Variants in PLAU observed in about 807,000 individuals in gnomAD.
PLAU encodes urokinase-type plasminogen activator.
Under a neutral mutation model 48.9 loss-of-function variants are expected in PLAU, and 32 were observed. The ratio of observed to expected loss-of-function variants is 0.65; its 90% confidence interval spans 0.49 to 0.88. PLAU has a LOEUF of 0.88. Among genes scored for constraint, PLAU ranks in the 40% least tolerant of loss-of-function variants. The probability of loss-of-function intolerance (pLI) is 0.00; values close to 1 mark genes in which losing one functional copy is unlikely to be tolerated. For synonymous variants in PLAU, 199 were observed against 205.7 expected (o/e 0.97, Z 0.28); for missense variants, 455 against 545.2 (o/e 0.83, Z 1.65).
rs753867816 is a variant in PLAU at position 73,916,382 on chromosome 10, G to A, written c.1120-7G>A. Reference sequence around the variant, plus strand: ...AGGGCTCATCTTTTGTATCTTTGGCGTCACAGGGAGACTCAGGGGGACCCC... The same window carrying A: ...AGGGCTCATCTTTTGTATCTTTGGCATCACAGGGAGACTCAGGGGGACCCC... On this transcript the variant is annotated splice_polypyrimidine_tract_variant and splice_region_variant and intron_variant, in intron 10 of 10. Coordinates refer to ENST00000372764, the MANE Select transcript of PLAU (RefSeq NM_002658.6). The A allele has an allele frequency of 3.1e-5, 50 of 1,610,940 alleles. No homozygotes were observed. Among genetic ancestry groups the A allele is most frequent in the Admixed American group, 1.3e-4 (8 of 59,584 alleles).
chr10:73,915,123 G>A, intron 9 of PLAU, 128 bp from the exon 10 acceptor site: 2 of 1,122,010 alleles, frequency 1.8e-6, no homozygotes, highest in Non-Finnish European at 2.6e-6. Flanking sequence ...GTGGAGTAAA[G>A]GCTCAGATTT....
upstream of PLAU, chr10:73,911,105 T>C (rs2096122737): frequency 5.9e-6 from 1 of 168,080 alleles, no homozygotes; most frequent in African/African-American, 2.4e-5. Flanking sequence ...CGGGCCCTGA[T>C]ATAGAGCAGG....
chr10:73,913,280 G>A lies in PLAU; in HGVS notation c.369-10G>A, dbSNP rs2096128729. The A allele has an allele frequency of 6.2e-7, 1 of 1,613,772 alleles. No individual in the cohort carries two copies. The highest frequency in any genetic ancestry group is 8.5e-7 in the Non-Finnish European group (1 of 1,179,826). ...TTGGAATGACATCCCCTATCTTTCTGTGTTGCCAGGAACCCAGACAACCGG... is the reference window on the plus strand; with the variant it reads ...TTGGAATGACATCCCCTATCTTTCTATGTTGCCAGGAACCCAGACAACCGG... On this transcript the variant is annotated splice_polypyrimidine_tract_variant and intron_variant, in intron 5 of 10. Transcript: ENST00000372764.
rs746394197 is a variant in PLAU, at chr10:73,913,621, G to C, written c.543G>C (p.Gly181=). ...TGAGGCCCCGCTTTAAGATTATTGGGGGAGAATTCACCACCATCGAGAACC... is the reference window on the plus strand; with the variant it reads ...TGAGGCCCCGCTTTAAGATTATTGGCGGAGAATTCACCACCATCGAGAACC... ...KTLRPRFKII[G]GEFTTIENQP... is the part of the protein sequence containing the mutation. The change falls in exon 7 of 11, where the codon GGG becomes GGC. Residue 181 remains glycine, a synonymous_variant. Transcript: ENST00000372764. 2 of 1,613,690 alleles carry C rather than the reference G, an allele frequency of 1.2e-6. No individual in the cohort carries two copies. The highest frequency in any genetic ancestry group is 8.5e-7 in the Non-Finnish European group (1 of 1,179,842).
chr10:73,913,711 C>T lies in PLAU; in HGVS notation c.633C>T (p.Gly211=). The T allele has an allele frequency of 1.2e-6, 2 of 1,612,194 alleles. No individual in the cohort carries two copies. The highest frequency in any genetic ancestry group is 2.2e-5 in the East Asian group (1 of 44,848). ...GCTCTGTCACCTACGTGTGTGGAGG[C>T]AGCCTCATCAGCCCTTGCTGGGTGA... is the stretch of plus-strand genomic sequence containing the variant. ...RGGSVTYVCG[G]SLISPCWVIS... is the part of the protein sequence containing the mutation. Residue 211 remains glycine (G), a synonymous_variant, in exon 7 of 11, where the codon GGC becomes GGT. Coordinates refer to ENST00000372764, the MANE Select transcript of PLAU (RefSeq NM_002658.6).
rs1404287139 is a variant in PLAU at position 73,916,405 on chromosome 10, C to A, written c.1136C>A (p.Pro379His). 2.5e-6 allele frequency: 4 copies of A among 1,612,970 alleles called. No homozygotes were observed. Among genetic ancestry groups the A allele is most frequent in the Non-Finnish European group, 3.4e-6 (4 of 1,179,550 alleles). The change falls in exon 11 of 11, where the codon CCC becomes CAC. Residue 379 changes from proline to histidine, a missense_variant. Transcript: ENST00000372764. ...GCGTCACAGGGAGACTCAGGGGGAC[C>A]CCTCGTCTGTTCCCTCCAAGGCCGC... ...TDSCQGDSGG[P>H]LVCSLQGRMT...
At chr10:73,909,602 C>T (rs2096120620), upstream of PLAU, among the ~76,000 whole-genome samples, 1 of 152,188 alleles carries the variant, frequency 6.6e-6, no homozygotes, top group Non-Finnish European at 1.5e-5. Context: ...AGCCTTCCTC[C>T]TTCCTACCTT....
chr10:73,913,820 C>G, intron 7 of PLAU, 62 bp downstream of exon 7: 1 of 1,439,192 alleles, frequency 6.9e-7, no homozygotes, highest in Non-Finnish European at 9.5e-7. Flanking sequence ...TCCCTTTCTC[C>G]TTCCCAGCAA....
At position 73,911,662 on chromosome 10, in the gene PLAU, C is replaced by T. The variant is rs1249249778; in HGVS notation, c.57+50C>T. On this transcript the variant is annotated intron_variant, in intron 2 of 10. Coordinates refer to ENST00000372764, the MANE Select transcript of PLAU (RefSeq NM_002658.6). ...ATGCTGCCCAAGGACCTCTGATCAG[C>T]ACCAGGGGAGAGGAGGGGCTGCTCA... is the stretch of plus-strand genomic sequence containing the variant. The T allele has an allele frequency of 5.6e-6, 9 of 1,608,274 alleles. No individual in the cohort carries two copies. The East Asian group carries it at 1.8e-4, about 32-fold the overall frequency.
rs2096129457 is a variant in PLAU at position 73,913,530 on chromosome 10, G to A, written c.461-9G>A. The A allele has an allele frequency of 6.2e-7, 1 of 1,607,962 alleles. No individual in the cohort carries two copies. Among genetic ancestry groups the A allele is most frequent in the Non-Finnish European group, 8.5e-7 (1 of 1,175,450 alleles). The stretch of plus-strand genomic sequence containing the variant: ...GCCTCCCTAAGACATCCCTCTGTTT[G>A]TCCTCCAGGAAAAAAGCCCTCCTCT... On this transcript the variant is annotated splice_polypyrimidine_tract_variant and intron_variant, in intron 6 of 10. Transcript: ENST00000372764.
Position 73,912,296 on chromosome 10 carries a change from A to T in PLAU, c.167A>T (p.Lys56Ile), listed in dbSNP as rs2096126116. 1.2e-6 allele frequency: 2 copies of T among 1,613,598 alleles called. No homozygotes were observed. The highest frequency in any genetic ancestry group is 1.7e-5 in the Admixed American group (1 of 60,010). ...ATTCACTGGTGCAACTGCCCAAAGAAATTCGGAGGGCAGCACTGTGAAATA... is the reference window on the plus strand; with the variant it reads ...ATTCACTGGTGCAACTGCCCAAAGATATTCGGAGGGCAGCACTGTGAAATA... Reference protein sequence around the residue: ...SNIHWCNCPKKFGGQHCEIDK... With the variant: ...SNIHWCNCPKIFGGQHCEIDK... Residue 56 changes from lysine to isoleucine, a missense_variant, in exon 4 of 11, where the codon AAA becomes ATA. Transcript: ENST00000372764.
Position 73,912,972 on chromosome 10 carries a change from A to C in PLAU, c.242A>C (p.Lys81Thr), listed in dbSNP as rs766378661. Residue 81 changes from lysine (K) to threonine (T), a missense_variant, in exon 5 of 11, where the codon AAG becomes ACG. Physicochemically the swap from Lys to Thr is moderately conservative, Grantham distance 78 (BLOSUM62 -1). Coordinates refer to ENST00000372764, the MANE Select transcript of PLAU (RefSeq NM_002658.6). ...GGGAATGGTCACTTTTACCGAGGAA[A>C]GGCCAGCACTGACACCATGGGCCGG... ...YEGNGHFYRG[K>T]ASTDTMGRPC... 2 of 1,613,840 alleles carry C rather than the reference A, an allele frequency of 1.2e-6. No homozygotes were observed. The highest frequency in any genetic ancestry group is 2.7e-5 in the African/African-American group (2 of 74,916).
Position 73,916,282 on chromosome 10 carries a change from A to C in PLAU, c.1120-107A>C, listed in dbSNP as rs535237670. 18 of 987,526 alleles carry C rather than the reference A, an allele frequency of 1.8e-5. No homozygotes were observed. The South Asian group carries it at 2.0e-4, about 11-fold the overall frequency. The allele number at this position is 987,526 out of a possible 1,614,324, so 61.2% of individuals were successfully genotyped here. ...GAAAGAAAATGGGAAGTCGCTAAGG[A>C]CTTTGACTGGGAAACTCTTCCCTCT... is the stretch of plus-strand genomic sequence containing the variant. On this transcript the variant is annotated intron_variant, in intron 10 of 10. Coordinates refer to ENST00000372764, the MANE Select transcript of PLAU (RefSeq NM_002658.6).
At position 73,914,821 on chromosome 10, in the gene PLAU, C is replaced by T. The variant is rs761104867; in HGVS notation, c.875C>T (p.Ser292Phe). 5.0e-6 allele frequency: 8 copies of T among 1,614,002 alleles called. No individual in the cohort carries two copies. In the Admixed American group the frequency reaches 6.7e-5, roughly 13 times the overall value. ...RSKEGRCAQP[S>F]RTIQTICLPS... ...AAGGAGGGCAGGTGTGCGCAGCCAT[C>T]CCGGACTATACAGACCATCTGCCTG... Residue 292 changes from serine (S) to phenylalanine (F), a missense_variant, in exon 9 of 11, where the codon TCC becomes TTC. Coordinates refer to ENST00000372764, the MANE Select transcript of PLAU (RefSeq NM_002658.6).
intron 5 of PLAU, 40 bp downstream of exon 5, chr10:73,913,138 G>C (rs760972301): frequency 6.2e-7 from 1 of 1,601,058 alleles, no homozygotes; most frequent in South Asian, 1.1e-5. Context: ...CCTCCCTACA[G>C]CTTCCCAGAA....
At chr10:73,909,662 C>A (rs191017354), upstream of PLAU, among the ~76,000 whole-genome samples, 4 of 152,296 alleles carry the variant, frequency 2.6e-5, no homozygotes, top group East Asian at 1.9e-4. Flanking sequence ...GGACCCAGAC[C>A]CAAGGTCCAG....
rs1421717682 is a variant in PLAU at position 73,916,910 on chromosome 10, A to G, written c.*345A>G. 4.3e-6 allele frequency: 1 copy of G among 231,694 alleles called. No individual in the cohort carries two copies. The highest frequency in any genetic ancestry group is 2.3e-5 in the African/African-American group (1 of 44,044). 14.4% of individuals were successfully genotyped at this position (231,694 alleles called of 1,614,324 possible). On this transcript the variant is annotated 3_prime_UTR_variant, in exon 11 of 11. Coordinates refer to ENST00000372764, the MANE Select transcript of PLAU (RefSeq NM_002658.6). ...AGAGCCAGCTCCCCCGACGGTGGGC[A>G]TTTGTGAGGCCCATGGTTGAGAAAT...
chr10:73,910,000 A>T (rs1023554459), upstream of PLAU: 2 of 152,234 alleles, frequency 1.3e-5, no homozygotes, highest in Non-Finnish European at 2.9e-5. Flanking sequence ...TATTTGATAA[A>T]CAATTGTTTC....
At chr10:73,911,809 A>G (rs1419845787) in intron 2 of PLAU, 197 bp downstream of exon 2, 1 of 1,551,600 alleles carries the variant, frequency 6.4e-7, no homozygotes, top group African/African-American at 1.4e-5. Context: ...AGGGAGGAAG[A>G]GGCCGCCGGG....
Sources: allele counts gnomAD v4.1 joint callset (sites outside exome capture counted in the v4.1 genomes callset), GRCh38; gene constraint gnomAD v4.1.1; transcripts MANE v1.5; gene names NCBI Gene and HGNC (gene_info 2026-07-23, HGNC 2026-07-21).